Variants in FGD4 observed in about 807,000 individuals in gnomAD.
FGD4 encodes the protein FYVE, RhoGEF and PH domain containing 4.
FGD4 carries 42 observed loss-of-function variants against 102.0 expected under a neutral mutation model. The observed-to-expected ratio is 0.41, with a 90% CI of 0.32 to 0.53. The LOEUF is 0.53. FGD4 is among the 20% of genes least tolerant of loss of function. The pLI is 0.21. For synonymous variants in FGD4, 380 were observed against 375.7 expected (o/e 1.01, Z -0.13); for missense variants, 902 against 1,078.2 (o/e 0.84, Z 2.29).
chr12:32,620,898 G>C (rs1370557571), intron 11 of FGD4, among the ~76,000 whole-genome samples: 1 of 150,548 alleles, frequency 6.6e-6, no homozygotes, highest in African/African-American at 2.4e-5. Context: ...CCTGACCTCA[G>C]GTGATCTGCC....
chr12:32,635,802 C>G (rs1010635286), intron 15 of FGD4, among the ~76,000 whole-genome samples: 3 of 152,020 alleles, frequency 2.0e-5, no homozygotes, highest in Admixed American at 6.6e-5. Context: ...ATCACAAGGT[C>G]AGGAGTTCGA....
At chr12:32,561,965 T>C (rs1404347871) in intron 1 of FGD4, among the ~76,000 whole-genome samples, 1 of 152,164 alleles carries the variant, frequency 6.6e-6, no homozygotes, top group Non-Finnish European at 1.5e-5. Context: ...TGGATGTTGA[T>C]GTGGAGTCTG....
chr12:32,586,656 G>A (rs1242215771), intron 4 of FGD4, among the ~76,000 whole-genome samples: 2 of 152,188 alleles, frequency 1.3e-5, no homozygotes, highest in South Asian at 2.1e-4. Context: ...TAGTCCAGGT[G>A]TGAGATGAAG....
At chr12:32,466,435 G>A (rs1172646418) in intron 1 of FGD4, among the ~76,000 whole-genome samples, 6 of 152,068 alleles carry the variant, frequency 3.9e-5, no homozygotes, top group African/African-American at 1.4e-4. Flanking sequence ...ATTTGCTCTT[G>A]CTTGGGAGGC....
intron 11 of FGD4, among the ~76,000 whole-genome samples, chr12:32,621,359 A>T (rs914244672): frequency 6.6e-6 from 1 of 152,184 alleles, no homozygotes; most frequent in African/African-American, 2.4e-5. Flanking sequence ...AAAAATTTGG[A>T]TGCTTCAGGA....
chr12:32,588,662 A>G (rs925213746), intron 4 of FGD4, among the ~76,000 whole-genome samples: 2 of 152,196 alleles, frequency 1.3e-5, no homozygotes, highest in Non-Finnish European at 2.9e-5. Flanking sequence ...GGCAAAGACT[A>G]TAGAGCCAAT....
intron 1 of FGD4, among the ~76,000 whole-genome samples, chr12:32,523,971 C>CT (rs1469867042): frequency 6.6e-6 from 1 of 151,926 alleles, no homozygotes; most frequent in Non-Finnish European, 1.5e-5. Flanking sequence ...GAGCAAGACT[C>CT]TGTCTCAAAA....
chr12:32,518,383 C>T (rs1940124680), intron 1 of FGD4, among the ~76,000 whole-genome samples: 2 of 152,158 alleles, frequency 1.3e-5, no homozygotes, highest in African/African-American at 4.8e-5. Context: ...GAGGCTGAGG[C>T]AGGACAATCG....
intron 1 of FGD4, among the ~76,000 whole-genome samples, chr12:32,536,820 A>T (rs536778771): frequency 6.6e-6 from 1 of 152,346 alleles, no homozygotes; most frequent in African/African-American, 2.4e-5. Flanking sequence ...ACACACAAAT[A>T]CATTTTTAAA....
chr12:32,447,849 G>A (rs774260285), intron 1 of FGD4, among the ~76,000 whole-genome samples: 4 of 152,188 alleles, frequency 2.6e-5, no homozygotes, highest in Non-Finnish European at 4.4e-5. Context: ...CTACTACAGT[G>A]CTTCACACAT....
At chr12:32,546,063 CACA>C (rs1943204207) in intron 1 of FGD4, among the ~76,000 whole-genome samples, 1 of 152,110 alleles carries the variant, frequency 6.6e-6, no homozygotes, top group Non-Finnish European at 1.5e-5. Flanking sequence ...GTTAGTTTCT[CACA>C]ACAATATTTA....
chr12:32,589,057 G>C lies in FGD4; in HGVS notation c.1011+6590G>C, dbSNP rs1947268743. Among the ~76,000 whole-genome samples, 3 of 152,162 alleles carry C rather than the reference G, an allele frequency of 2.0e-5. No individual in the cohort carries two copies. In the South Asian group the frequency reaches 6.2e-4, roughly 31 times the overall value. ...TTGAGCAGATTACTTCAACCTCCCT[G>C]TGCCTCAGTTTCCTCATCTGTAAAA... On this transcript the variant is annotated intron_variant, in intron 4 of 16. Transcript: ENST00000534526.
intron 2 of FGD4, among the ~76,000 whole-genome samples, chr12:32,570,756 T>A (rs1444116393): frequency 2.6e-5 from 4 of 152,166 alleles, no homozygotes; most frequent in Non-Finnish European, 5.9e-5. Flanking sequence ...ATTCTGATTG[T>A]TATTCCTTTC....
At chr12:32,631,503 C>CTT (rs1228901589) in intron 14 of FGD4, among the ~76,000 whole-genome samples, 3,868 of 124,504 alleles carry the variant, frequency 0.031, 275 homozygotes, top group African/African-American at 0.11. Flanking sequence ...GAGCAAACAG[C>CTT]TTTTTTTTTT....
chr12:32,470,599 GCACACCACTA>G (rs1290740191), intron 1 of FGD4, among the ~76,000 whole-genome samples: 1 of 151,518 alleles, frequency 6.6e-6, no homozygotes, highest in Non-Finnish European at 1.5e-5. Context: ...GAGCACAGGT[GCACACCACTA>G]CACCTGGGTA....
At chr12:32,541,073 G>A (rs1439873497) in intron 1 of FGD4, among the ~76,000 whole-genome samples, 1 of 152,052 alleles carries the variant, frequency 6.6e-6, no homozygotes, top group Non-Finnish European at 1.5e-5. Context: ...TTCAGAATTG[G>A]AAAATTGGTT....
At chr12:32,632,697 A>T (rs903928523) in intron 14 of FGD4, among the ~76,000 whole-genome samples, 6 of 125,938 alleles carry the variant, frequency 4.8e-5, no homozygotes, top group Non-Finnish European at 8.3e-5. Flanking sequence ...ATTTTTATTT[A>T]TTTATTTATT....
intron 1 of FGD4, among the ~76,000 whole-genome samples, chr12:32,446,434 C>T (rs1163531936): frequency 6.6e-6 from 1 of 152,092 alleles, no homozygotes; most frequent in African/African-American, 2.4e-5. Flanking sequence ...GGGGTTATGT[C>T]TAATGGCAGT....
At chr12:32,471,936 C>T (rs1943425292) in intron 1 of FGD4, among the ~76,000 whole-genome samples, 1 of 152,220 alleles carries the variant, frequency 6.6e-6, no homozygotes, top group African/African-American at 2.4e-5. Flanking sequence ...AACACCTAGA[C>T]ATGTGGTTCA....
Sources: allele counts gnomAD v4.1 joint callset (sites outside exome capture counted in the v4.1 genomes callset), GRCh38; gene constraint gnomAD v4.1.1; transcripts MANE v1.5; gene names NCBI Gene and HGNC (gene_info 2026-07-23, HGNC 2026-07-21).